The following CEP152 variants were observed in gnomAD, a reference collection of about 807,000 sequenced individuals.
CEP152 encodes the protein centrosomal protein of 152 kDa.
A neutral mutation model predicts 188.9 loss-of-function variants in CEP152; 132 were observed. The observed-to-expected ratio is 0.70, with a 90% CI of 0.61 to 0.81. The LOEUF (loss-of-function observed/expected upper bound fraction) is 0.81. Ranked by LOEUF, CEP152 falls within the 30% of genes least tolerant of loss-of-function variation. The pLI is 0.00. For missense variants in CEP152, 1,914 were observed against 1,969.8 expected (o/e 0.97, Z 0.54); for synonymous variants, 649 against 666.6 (o/e 0.97, Z 0.41).
chr15:48,762,389 A>T lies in CEP152; in HGVS notation c.2562+2T>A. 1.2e-6 allele frequency: 2 copies of T among 1,613,642 alleles called. No individual in the cohort carries two copies. Among genetic ancestry groups the T allele is most frequent in the Non-Finnish European group, 1.7e-6 (2 of 1,179,608 alleles). On this transcript the variant is annotated splice_donor_variant, in intron 18 of 26. Transcript: ENST00000380950. LOFTEE classifies it high-confidence loss of function. ...ATTTACTAGAATAAATCTGCCTTTT[A>T]CCTGTTTGGTAATATTTTCACAATG...
rs56030338 is a variant in CEP152 at position 48,743,862 on chromosome 15, CA to C, written c.3835+377del. Among the ~76,000 whole-genome samples the C allele has an allele frequency of 2.8e-3, 404 of 142,084 alleles. 1 individual carries two copies. The highest frequency in any genetic ancestry group is 9.6e-3 in the African/African-American group (371 of 38,786). The allele number at this position is 142,084 out of a possible 152,430, so 93.2% of individuals were successfully genotyped here. A position where few individuals can be genotyped will look rare whatever the true frequency, so the allele number is the denominator to read the frequency against. On this transcript the variant is annotated intron_variant, in intron 24 of 26. Transcript: ENST00000380950. ...TGGTTGACAGAGTGAGATTCCGTCT[CA>C]AAAAAAAAAAGTTTATGGTAGGAAG...
At position 48,744,220 on chromosome 15, in the gene CEP152, A is replaced by C. The variant is rs146499681; in HGVS notation, c.3835+20T>G. On this transcript the variant is annotated intron_variant, in intron 24 of 26. Transcript: ENST00000380950. Reference sequence around the variant, plus strand: ...AAAAAAGGCCCAAGCCATCCTTAAAATCTTCAGAATTAAACTTACATTTAA... The same window carrying C: ...AAAAAAGGCCCAAGCCATCCTTAAACTCTTCAGAATTAAACTTACATTTAA... 4.6e-4 allele frequency: 739 copies of C among 1,613,330 alleles called. 9 individuals carry two copies. The East Asian group carries it at 0.015, about 32-fold the overall frequency.
At chr15:48,799,106 T>C (rs1177555915) in intron 2 of CEP152, among the ~76,000 whole-genome samples, 17 of 152,098 alleles carry the variant, frequency 1.1e-4, no homozygotes, top group South Asian at 4.1e-4. Flanking sequence ...TCAAACCCCA[T>C]AACATTGTGC....
intron 6 of CEP152, among the ~76,000 whole-genome samples, chr15:48,795,621 A>G (rs1366777632): frequency 6.6e-6 from 1 of 152,240 alleles, no homozygotes; most frequent in Non-Finnish European, 1.5e-5. Context: ...TGACTGAAAT[A>G]TAAAGTTGGA....
At chr15:48,752,675 A>T (rs916039133) in intron 20 of CEP152, among the ~76,000 whole-genome samples, 2 of 152,208 alleles carry the variant, frequency 1.3e-5, no homozygotes, top group East Asian at 3.8e-4. Context: ...TTTCCAAATA[A>T]GAACACTGTC....
rs1245120931 is a variant in CEP152, at chr15:48,784,006, TCTC to T, written c.1285_1287del (p.Glu429del). 2 of 1,613,784 alleles carry T rather than the reference TCTC, an allele frequency of 1.2e-6. No individual in the cohort carries two copies. The stretch of plus-strand genomic sequence containing the variant: ...AACAAGTGGGCACACTGCTTTTGAC[TCTC>T]CTCTAGACTTCTTGTCAACTTATTA... On this transcript the variant is annotated inframe_deletion, in exon 10 of 27. Coordinates refer to ENST00000380950, the MANE Select transcript of CEP152 (RefSeq NM_001194998.2).
At position 48,791,255 on chromosome 15, in the gene CEP152, T is replaced by C. The variant is rs754983822; in HGVS notation, c.954A>G (p.Leu318=). 6 of 1,612,450 alleles carry C rather than the reference T, an allele frequency of 3.7e-6. 1 individual carries two copies. Among genetic ancestry groups the C allele is most frequent in the East Asian group, 4.5e-5 (2 of 44,804 alleles). ...TAGGTACCTGTTCTTCATTGACTTT[T>C]AATGCTTGTATCTGAGTCTCCAGTG... ...IKALETQIQA[L]KVNEEQMIKK... The change falls in exon 8 of 27, where the codon TTA becomes TTG. Residue 318 remains leucine (L), a synonymous_variant. Transcript: ENST00000380950.
At chr15:48,780,910 A>G (rs1896200416) in intron 12 of CEP152, among the ~76,000 whole-genome samples, 1 of 152,190 alleles carries the variant, frequency 6.6e-6, no homozygotes, top group Non-Finnish European at 1.5e-5. Context: ...GTCAGTCTCT[A>G]GCAGGAGTGA....
intron 9 of CEP152, 125 bp from the exon 10 acceptor site, chr15:48,784,245 C>A: frequency 1.1e-6 from 1 of 917,962 alleles, no homozygotes; most frequent in Non-Finnish European, 1.7e-6. Flanking sequence ...AGCATCACCT[C>A]TTTTACAAGG....
rs768045873 is a variant in CEP152, at chr15:48,805,538, T to C, written c.87+25A>G. The C allele has an allele frequency of 2.7e-3, 3,692 of 1,382,624 alleles. 9 individuals carry two copies. Among genetic ancestry groups the C allele is most frequent in the East Asian group, 0.012 (458 of 37,518 alleles). The allele number at this position is 1,382,624 out of a possible 1,614,324, so 85.6% of individuals were successfully genotyped here. A position where few individuals can be genotyped will look rare whatever the true frequency, so the allele number is the denominator to read the frequency against. On this transcript the variant is annotated intron_variant, in intron 2 of 26. Coordinates refer to ENST00000380950, the MANE Select transcript of CEP152 (RefSeq NM_001194998.2). ...TTAAAGATTGGGTTTAGTGTCTCTT[T>C]TTTTTTTTTTTTTTAACAACTTACC...
chr15:48,805,733 T>C (rs1257004792), intron 1 of CEP152, 77 bp from the exon 2 acceptor site: 2 of 1,584,016 alleles, frequency 1.3e-6, no homozygotes, highest in Non-Finnish European at 1.7e-6. Context: ...AGAGATGCCA[T>C]ACATACACAA....
chr15:48,776,318 GA>G (rs1033776124), intron 12 of CEP152, among the ~76,000 whole-genome samples: 3 of 152,044 alleles, frequency 2.0e-5, no homozygotes, highest in Admixed American at 6.6e-5. Flanking sequence ...AACCATAAAT[GA>G]AAACAGTGAC....
intron 26 of CEP152, chr15:48,741,028 A>T (rs784406): frequency 0.2 from 201,692 of 987,702 alleles, 27,785 homozygotes; most frequent in African/African-American, 0.62. Flanking sequence ...TAATTGCAAT[A>T]GTCATCTCCC....
chr15:48,783,216 T>C (rs1044228063), intron 10 of CEP152: 1 of 152,204 alleles, frequency 6.6e-6, no homozygotes, highest in African/African-American at 2.4e-5. Context: ...TTTATTGTTC[T>C]TTGCTCTAAT....
At chr15:48,765,363 T>A (rs1270013674) in intron 17 of CEP152, among the ~76,000 whole-genome samples, 2 of 152,032 alleles carry the variant, frequency 1.3e-5, no homozygotes, top group African/African-American at 2.4e-5. Context: ...CAATTAAAAT[T>A]TTTTTTTAAT....
chr15:48,799,172 G>T (rs566883805), intron 2 of CEP152, among the ~76,000 whole-genome samples: 4 of 151,522 alleles, frequency 2.6e-5, no homozygotes, highest in Non-Finnish European at 5.9e-5. Flanking sequence ...AAAAAAAAAT[G>T]AGATGCTCCC....
chr15:48,754,579 G>C (rs1157679761), intron 20 of CEP152, among the ~76,000 whole-genome samples: 1 of 152,116 alleles, frequency 6.6e-6, no homozygotes, highest in Non-Finnish European at 1.5e-5. Context: ...ATCTTGCCCA[G>C]TAAATTTTAC....
chr15:48,770,763 T>C (rs1895470841), intron 13 of CEP152, among the ~76,000 whole-genome samples: 4 of 152,212 alleles, frequency 2.6e-5, no homozygotes, highest in Admixed American at 2.6e-4. Context: ...TCATTTGCTG[T>C]TAATATTAAA....
chr15:48,791,204 A>AT (rs1243549107), intron 8 of CEP152, 33 bp downstream of exon 8: 14 of 1,585,922 alleles, frequency 8.8e-6, no homozygotes, highest in African/African-American at 2.7e-5. Flanking sequence ...TAAACTTTTA[A>AT]TTTTTTTACC....
Sources: allele counts gnomAD v4.1 joint callset (sites outside exome capture counted in the v4.1 genomes callset), GRCh38; gene constraint gnomAD v4.1.1; transcripts MANE v1.5; gene names NCBI Gene and HGNC (gene_info 2026-07-23, HGNC 2026-07-21).